Variants in OR6C4 observed in about 807,000 individuals in gnomAD.
The protein encoded by OR6C4 is olfactory receptor family 6 subfamily C member 4.
A neutral mutation model predicts 15.1 loss-of-function variants in OR6C4; 20 were observed. That is an observed-to-expected ratio of 1.32 (90% CI 0.93 to 1.92). OR6C4 has a LOEUF of 1.92. OR6C4 is among the 30% of genes most tolerant of loss of function. OR6C4 has a pLI of 0.00. For missense variants in OR6C4, 491 were observed against 363.2 expected (o/e 1.35, Z -2.86); for synonymous variants, 179 against 134.2 (o/e 1.33, Z -2.31).
chr12:55,551,200 T>G lies in OR6C4; in HGVS notation c.-18-9T>G. 1.3e-6 allele frequency: 2 copies of G among 1,504,258 alleles called. No individual in the cohort carries two copies. Among genetic ancestry groups the G allele is most frequent in the Non-Finnish European group, 1.8e-6 (2 of 1,092,192 alleles). 93.2% of individuals were successfully genotyped at this position (1,504,258 alleles called of 1,614,324 possible). On this transcript the variant is annotated splice_polypyrimidine_tract_variant and intron_variant, in intron 1 of 1. Coordinates refer to ENST00000641569, the MANE Select transcript of OR6C4 (RefSeq NM_001005494.2). ...TTCAATTTTCATCATTCTCACCTTT[T>G]GCCTTTAGGTTTTCCGAAGGTCAAC...
rs1393101951 is a variant in OR6C4, at chr12:55,555,795, A to C, written c.*3639A>C. On this transcript the variant is annotated 3_prime_UTR_variant, in exon 2 of 2. Coordinates refer to ENST00000641569, the MANE Select transcript of OR6C4 (RefSeq NM_001005494.2). The stretch of plus-strand genomic sequence containing the variant: ...TCTGTCTCAAAAAAACATAAAATAA[A>C]ATAATAAAAAATGTTGCTTCTTTTC... 6.6e-6 allele frequency: 1 copy of C among 152,174 alleles called. No individual in the cohort carries two copies. Among genetic ancestry groups the C allele is most frequent in the African/African-American group, 2.4e-5 (1 of 41,422 alleles). The allele number at this position is 152,174 out of a possible 1,614,324, so 9.4% of individuals were successfully genotyped here.
At position 55,551,508 on chromosome 12, in the gene OR6C4, C is replaced by T; in HGVS notation, c.282C>T (p.Gly94=). 2.5e-6 allele frequency: 4 copies of T among 1,613,942 alleles called. No homozygotes were observed. Among genetic ancestry groups the T allele is most frequent in the Non-Finnish European group, 3.4e-6 (4 of 1,179,942 alleles). ...TTGNKVISFA[G]CLTQYFFAIF... ...GAAATAAAGTTATCAGCTTTGCTGG[C>T]TGCTTGACTCAGTATTTTTTTGCTA... Residue 94 remains glycine, a synonymous_variant, in exon 2 of 2, where the codon GGC becomes GGT. Coordinates refer to ENST00000641569, the MANE Select transcript of OR6C4 (RefSeq NM_001005494.2).
rs1286866162 is a variant in OR6C4, at chr12:55,553,865, C to A, written c.*1709C>A. 1 of 152,138 alleles carries A rather than the reference C, an allele frequency of 6.6e-6. No homozygotes were observed. Among genetic ancestry groups the A allele is most frequent in the East Asian group, 1.9e-4 (1 of 5,186 alleles). The allele number at this position is 152,138 out of a possible 1,614,324, so 9.4% of individuals were successfully genotyped here. A position where few individuals can be genotyped will look rare whatever the true frequency, so the allele number is the denominator to read the frequency against. ...ACCTCTGTCAACTCTAAAATGTTTA[C>A]AATAATAGTGTCTATCTTATAGTTT... On this transcript the variant is annotated 3_prime_UTR_variant, in exon 2 of 2. Transcript: ENST00000641569.
intron 1 of OR6C4, 95 bp downstream of exon 1, chr12:55,550,213 T>C (rs1237482848): frequency 4.6e-5 from 7 of 152,174 alleles, no homozygotes; most frequent in Non-Finnish European, 1.0e-4. Flanking sequence ...AGAATGATTT[T>C]AATAACATAA....
Position 55,551,679 on chromosome 12 carries a change from C to T in OR6C4, c.453C>T (p.Phe151=). The change falls in exon 2 of 2, where the codon TTC becomes TTT. Residue 151 remains phenylalanine, a synonymous_variant. Coordinates refer to ENST00000641569, the MANE Select transcript of OR6C4 (RefSeq NM_001005494.2). ...TGTTCTGCTCCTGGTTGGGGGGATT[C>T]CTAGCAATCTTACCACCAATCATCC... The part of the protein sequence containing the change: ...QLVFCSWLGG[F]LAILPPIILM... The T allele has an allele frequency of 6.2e-7, 1 of 1,613,808 alleles. No homozygotes were observed. The highest frequency in any genetic ancestry group is 8.5e-7 in the Non-Finnish European group (1 of 1,179,860).
rs1444794439 is a variant in OR6C4 at position 55,551,972 on chromosome 12, C to T, written c.746C>T (p.Ser249Phe). ...CSSHMIVISL[S>F]YGSCMFMYIN... ...TCCCACATGATTGTCATCTCCCTCT[C>T]TTATGGCAGCTGCATGTTTATGTAC... The change falls in exon 2 of 2, where the codon TCT becomes TTT. Residue 249 changes from serine (S) to phenylalanine (F), a missense_variant. Ser to Phe is a radical substitution (Grantham distance 155). Transcript: ENST00000641569. The T allele has an allele frequency of 6.8e-6, 11 of 1,613,760 alleles. No homozygotes were observed. The highest frequency in any genetic ancestry group is 9.3e-6 in the Non-Finnish European group (11 of 1,179,908).
rs773023372 is a variant in OR6C4 at position 55,551,504 on chromosome 12, C to T, written c.278C>T (p.Ala93Val). The change falls in exon 2 of 2, where the codon GCT becomes GTT. Residue 93 changes from alanine to valine, a missense_variant. Transcript: ENST00000641569. ...MTTGNKVISF[A>V]GCLTQYFFAI... ...ACAGGAAATAAAGTTATCAGCTTTG[C>T]TGGCTGCTTGACTCAGTATTTTTTT... 3 of 1,613,948 alleles carry T rather than the reference C, an allele frequency of 1.9e-6. No individual in the cohort carries two copies. The highest frequency in any genetic ancestry group is 2.5e-6 in the Non-Finnish European group (3 of 1,179,942).
rs888777551 is a variant in OR6C4, at chr12:55,554,454, A to T, written c.*2298A>T. On this transcript the variant is annotated 3_prime_UTR_variant, in exon 2 of 2. Coordinates refer to ENST00000641569, the MANE Select transcript of OR6C4 (RefSeq NM_001005494.2). ...AAGTCATATTCTTCTAAAGCTGTTC[A>T]TCTAGTCTGGCTGTATGTTAATTCA... The T allele has an allele frequency of 1.3e-5, 2 of 152,126 alleles. No homozygotes were observed. The highest frequency in any genetic ancestry group is 4.8e-5 in the African/African-American group (2 of 41,412). The allele number at this position is 152,126 out of a possible 1,614,324, so 9.4% of individuals were successfully genotyped here. A position where few individuals can be genotyped will look rare whatever the true frequency, so the allele number is the denominator to read the frequency against.
rs1873922269 is a variant in OR6C4 at position 55,553,126 on chromosome 12, A to G, written c.*970A>G. On this transcript the variant is annotated 3_prime_UTR_variant, in exon 2 of 2. Transcript: ENST00000641569. Reference sequence around the variant, plus strand: ...ATGGATGACCATTTTATAAAGTAAAAAGAATATAAAGTGTCAATGCAATCT... The same window carrying G: ...ATGGATGACCATTTTATAAAGTAAAGAGAATATAAAGTGTCAATGCAATCT... The G allele has an allele frequency of 1.3e-5, 2 of 152,144 alleles. No individual in the cohort carries two copies. Among genetic ancestry groups the G allele is most frequent in the African/African-American group, 4.8e-5 (2 of 41,460 alleles). 9.4% of individuals were successfully genotyped at this position (152,144 alleles called of 1,614,324 possible).
Position 55,550,964 on chromosome 12 carries a change from A to C in OR6C4, c.-18-245A>C, listed in dbSNP as rs79214620. On this transcript the variant is annotated intron_variant, in intron 1 of 1. Coordinates refer to ENST00000641569, the MANE Select transcript of OR6C4 (RefSeq NM_001005494.2). The stretch of plus-strand genomic sequence containing the variant: ...CAAAAACTTCTATTTTTCTGAAAAA[A>C]AATGAGTTATTCTATAATAAGTTTT... Among the ~76,000 whole-genome samples, 1,275 of 152,292 alleles carry C rather than the reference A, an allele frequency of 8.4e-3. 4 individuals carry two copies. Among genetic ancestry groups the C allele is most frequent in the Non-Finnish European group, 0.012 (845 of 68,016 alleles).
rs1873853992 is a variant in OR6C4 at position 55,551,393 on chromosome 12, C to T, written c.167C>T (p.Pro56Leu). The change falls in exon 2 of 2, where the codon CCC (proline) becomes CTC (leucine). Residue 56 changes from proline to leucine, a missense_variant. Transcript: ENST00000641569. ...TTACTAGACCCCCACCTCCAGACCC[C>T]CATGTATTTCTTCCTCCGGAATTTC... The part of the protein sequence containing the change: ...LTLLDPHLQT[P>L]MYFFLRNFSF... The T allele has an allele frequency of 1.2e-6, 2 of 1,613,908 alleles. No homozygotes were observed. The highest frequency in any genetic ancestry group is 1.7e-6 in the Non-Finnish European group (2 of 1,179,916).
At position 55,551,475 on chromosome 12, in the gene OR6C4, G is replaced by A. The variant is rs1873858225; in HGVS notation, c.249G>A (p.Met83Ile). The change falls in exon 2 of 2, where the codon ATG becomes ATA. Residue 83 changes from methionine (M) to isoleucine (I), a missense_variant. Coordinates refer to ENST00000641569, the MANE Select transcript of OR6C4 (RefSeq NM_001005494.2). The stretch of plus-strand genomic sequence containing the variant: ...TTATTCCCAGATTTCTGACCAGCAT[G>A]ACAACAGGAAATAAAGTTATCAGCT... ...SIFIPRFLTS[M>I]TTGNKVISFA... 1 of 1,613,652 alleles carries A rather than the reference G, an allele frequency of 6.2e-7. No homozygotes were observed. The highest frequency in any genetic ancestry group is 1.3e-5 in the African/African-American group (1 of 74,860).
intron 1 of OR6C4, 36 bp from the exon 2 acceptor site, chr12:55,551,173 T>A (rs763263419): frequency 2.4e-6 from 3 of 1,268,028 alleles, no homozygotes; most frequent in Non-Finnish European, 2.3e-6. Context: ...TCTAAGAAAC[T>A]CTTCAATTTT....
In OR6C4 at chr12:55,553,020, T is replaced by C. The variant is rs1364471553; in HGVS notation, c.*864T>C. 1 of 152,110 alleles carries C rather than the reference T, an allele frequency of 6.6e-6. No individual in the cohort carries two copies. 9.4% of individuals were successfully genotyped at this position (152,110 alleles called of 1,614,324 possible). A position where few individuals can be genotyped will look rare whatever the true frequency, so the allele number is the denominator to read the frequency against. ...CATCCTTTTGTTTCACTTTATTAGA[T>C]ATTAGAAAAGAAAATTCTGTTATCT... On this transcript the variant is annotated 3_prime_UTR_variant, in exon 2 of 2. Coordinates refer to ENST00000641569, the MANE Select transcript of OR6C4 (RefSeq NM_001005494.2).
Position 55,551,686 on chromosome 12 carries a change from A to G in OR6C4, c.460A>G (p.Ile154Val). Residue 154 changes from isoleucine to valine, a missense_variant, in exon 2 of 2, where the codon ATC (isoleucine) becomes GTC (valine). Transcript: ENST00000641569. ...FCSWLGGFLAILPPIILMTQV... is the reference protein window; with the variant it reads ...FCSWLGGFLAVLPPIILMTQV... ...CTCCTGGTTGGGGGGATTCCTAGCA[A>G]TCTTACCACCAATCATCCTGATGAC... The G allele has an allele frequency of 1.2e-6, 2 of 1,613,860 alleles. No individual in the cohort carries two copies. The highest frequency in any genetic ancestry group is 2.2e-5 in the South Asian group (2 of 91,074).
In OR6C4 at chr12:55,553,227, T is replaced by C. The variant is rs1873924850; in HGVS notation, c.*1071T>C. 1 of 152,108 alleles carries C rather than the reference T, an allele frequency of 6.6e-6. No homozygotes were observed. Among genetic ancestry groups the C allele is most frequent in the Non-Finnish European group, 1.5e-5 (1 of 67,976 alleles). The allele number at this position is 152,108 out of a possible 1,614,324, so 9.4% of individuals were successfully genotyped here. ...ACTATCCTACCAAAAACTTTACACATGGATTCAAGGCAATGACAACTTGAA... is the reference window on the plus strand; with the variant it reads ...ACTATCCTACCAAAAACTTTACACACGGATTCAAGGCAATGACAACTTGAA... On this transcript the variant is annotated 3_prime_UTR_variant, in exon 2 of 2. Coordinates refer to ENST00000641569, the MANE Select transcript of OR6C4 (RefSeq NM_001005494.2).
In OR6C4 at chr12:55,551,385, C is replaced by A; in HGVS notation, c.159C>A (p.Leu53=). 6.2e-7 allele frequency: 1 copy of A among 1,613,858 alleles called. No homozygotes were observed. The highest frequency in any genetic ancestry group is 8.5e-7 in the Non-Finnish European group (1 of 1,179,862). The part of the protein sequence containing the change: ...IITLTLLDPH[L]QTPMYFFLRN... ...CCCTCACCTTACTAGACCCCCACCT[C>A]CAGACCCCCATGTATTTCTTCCTCC... Residue 53 remains leucine, a synonymous_variant, in exon 2 of 2, where the codon CTC becomes CTA. Coordinates refer to ENST00000641569, the MANE Select transcript of OR6C4 (RefSeq NM_001005494.2).
At position 55,552,244 on chromosome 12, in the gene OR6C4, A is replaced by T; in HGVS notation, c.*88A>T. ...TCAAGTGCTAAATTGGCCCTTGAAGATTAAAATAGGAAAAGTATATGTCTT... is the reference window on the plus strand; with the variant it reads ...TCAAGTGCTAAATTGGCCCTTGAAGTTTAAAATAGGAAAAGTATATGTCTT... On this transcript the variant is annotated 3_prime_UTR_variant, in exon 2 of 2. Transcript: ENST00000641569. 1 of 827,332 alleles carries T rather than the reference A, an allele frequency of 1.2e-6. No individual in the cohort carries two copies. The highest frequency in any genetic ancestry group is 1.9e-6 in the Non-Finnish European group (1 of 536,948). The allele number at this position is 827,332 out of a possible 1,614,324, so 51.2% of individuals were successfully genotyped here.
Position 55,550,047 on chromosome 12 carries a change from A to T in OR6C4, c.-90A>T, listed in dbSNP as rs978916150. On this transcript the variant is annotated 5_prime_UTR_variant, in exon 1 of 2. Transcript: ENST00000641569. Reference sequence around the variant, plus strand: ...TTAAAGTCACTGATTTTATCATTCTATAAATGTGGATCATGAAATGAATCA... The same window carrying T: ...TTAAAGTCACTGATTTTATCATTCTTTAAATGTGGATCATGAAATGAATCA... 21 of 152,202 alleles carry T rather than the reference A, an allele frequency of 1.4e-4. No homozygotes were observed. Among genetic ancestry groups the T allele is most frequent in the African/African-American group, 4.8e-4 (20 of 41,454 alleles). 9.4% of individuals were successfully genotyped at this position (152,202 alleles called of 1,614,324 possible).
Sources: gnomAD v4.1 joint callset for allele counts (sites outside exome capture counted in the v4.1 genomes callset) on GRCh38, gnomAD v4.1.1 for gene constraint, MANE v1.5 for transcripts, NCBI Gene and HGNC (gene_info 2026-07-23, HGNC 2026-07-21) for gene names.